The following ZFHX3 variants were observed in gnomAD, a reference collection of about 807,000 sequenced individuals.
ZFHX3 encodes zinc finger homeobox protein 3.
ZFHX3 carries 42 observed loss-of-function variants against 279.1 expected under a neutral mutation model. That is an observed-to-expected ratio of 0.15 (90% confidence interval 0.12 to 0.19). The LOEUF is 0.19. ZFHX3 is among the 10% of genes least tolerant of loss of function. The pLI is 1.00. For synonymous variants in ZFHX3, 2,293 were observed against 1,957.8 expected, an observed-to-expected ratio of 1.17 and a Z score of -4.52; for missense variants, 4,981 against 4,754.0, an observed-to-expected ratio of 1.05 and a Z score of -1.40.
chr16:73,210,852 T>G (rs1414024682), intron 5 of ZFHX3, among the ~76,000 whole-genome samples: 2 of 152,138 alleles, frequency 1.3e-5, no homozygotes, highest in Non-Finnish European at 2.9e-5. Flanking sequence ...CAAAAGATTT[T>G]TTCAAATGTC....
intron 2 of ZFHX3, among the ~76,000 whole-genome samples, chr16:73,486,447 TG>T (rs57762438): frequency 0.33 from 50,305 of 152,146 alleles, 9,283 homozygotes; most frequent in African/African-American, 0.49. Context: ...TGTTTGTGTG[TG>T]TTTGTTCAAT....
intron 3 of ZFHX3, among the ~76,000 whole-genome samples, chr16:72,925,834 C>T (rs1030758145): frequency 9.2e-5 from 14 of 152,202 alleles, no homozygotes; most frequent in Non-Finnish European, 2.1e-4. Flanking sequence ...ATAGCTTTTA[C>T]GTCCTCTTGA....
chr16:72,978,790 G>T (rs1962465961), intron 1 of ZFHX3, among the ~76,000 whole-genome samples: 1 of 152,278 alleles, frequency 6.6e-6, no homozygotes, highest in Non-Finnish European at 1.5e-5. Context: ...GAAAAGGGGA[G>T]GCCACTATAC....
At chr16:73,419,429 G>C (rs539440385) in intron 3 of ZFHX3, among the ~76,000 whole-genome samples, 1 of 152,154 alleles carries the variant, frequency 6.6e-6, no homozygotes, top group East Asian at 1.9e-4. Context: ...ACATTCCTTT[G>C]CTTAAAACCT....
At chr16:72,802,785 C>T (rs1039120262) in intron 7 of ZFHX3, among the ~76,000 whole-genome samples, 4 of 152,194 alleles carry the variant, frequency 2.6e-5, no homozygotes, top group Admixed American at 6.5e-5. Context: ...CTTCCCTCTC[C>T]TACCAGCTTC....
At chr16:73,823,269 A>G (rs1960802762) in intron 1 of ZFHX3, among the ~76,000 whole-genome samples, 1 of 152,166 alleles carries the variant, frequency 6.6e-6, no homozygotes, top group African/African-American at 2.4e-5. Flanking sequence ...GGGAAGGAGT[A>G]TGGCAGGCAG....
At chr16:73,689,944 T>G (rs1173462654) in intron 1 of ZFHX3, among the ~76,000 whole-genome samples, 1 of 151,888 alleles carries the variant, frequency 6.6e-6, no homozygotes, top group Non-Finnish European at 1.5e-5. Context: ...CTCAGCCTCC[T>G]GAGTAGCATC....
intron 3 of ZFHX3, among the ~76,000 whole-genome samples, chr16:73,397,645 T>C (rs2017156759): frequency 6.6e-6 from 1 of 152,086 alleles, no homozygotes; most frequent in African/African-American, 2.4e-5. Context: ...ACCAGGCTAT[T>C]AGCAGTGGGG....
At position 73,877,205 on chromosome 16, in the gene ZFHX3, G is replaced by T. The variant is rs182737575; in HGVS notation, c.-1608+14446C>A. ...GGTTGGGTTCGGGGGGTTAGGTCGG[G>T]GGGGGGTCCCAGGCACTTGCTTCCT... On this transcript the variant is annotated intron_variant, in intron 1 of 17. Transcript: ENST00000641206. Among the ~76,000 whole-genome samples, 404 of 141,212 alleles carry T rather than the reference G, an allele frequency of 2.9e-3. 13 individuals are homozygous for T. The East Asian group carries it at 0.067, about 23-fold the overall frequency. The allele number at this position is 141,212 out of a possible 152,430, so 92.6% of individuals were successfully genotyped here. A position where few individuals can be genotyped will look rare whatever the true frequency, so the allele number is the denominator to read the frequency against.
chr16:73,466,350 G>A (rs896516153), intron 2 of ZFHX3, among the ~76,000 whole-genome samples: 1 of 152,174 alleles, frequency 6.6e-6, no homozygotes, highest in African/African-American at 2.4e-5. Context: ...GGGCATGGTA[G>A]TACACACCTG....
chr16:73,602,418 C>T (rs549732457), intron 2 of ZFHX3, among the ~76,000 whole-genome samples: 3 of 152,174 alleles, frequency 2.0e-5, no homozygotes, highest in East Asian at 1.9e-4. Flanking sequence ...CTTTCTATTA[C>T]GAGAACTTCT....
At position 73,872,732 on chromosome 16, in the gene ZFHX3, C is replaced by T. The variant is rs572691540; in HGVS notation, c.-1608+18919G>A. 2.7e-5 allele frequency among the ~76,000 whole-genome samples: 3 copies of T among 111,198 alleles called. No homozygotes were observed. In the South Asian group the frequency reaches 1.0e-3, roughly 38 times the overall value. 73.0% of individuals were successfully genotyped at this position (111,198 alleles called of 152,430 possible). A position where few individuals can be genotyped will look rare whatever the true frequency, so the allele number is the denominator to read the frequency against. ...ATGGAAACCATAACTTGGTTAGCTA[C>T]TCTGGTGGTGGTGGCGGGGGTTGGT... On this transcript the variant is annotated intron_variant, in intron 1 of 17. Transcript: ENST00000641206.
chr16:72,953,990 C>A (rs535456023), intron 2 of ZFHX3, among the ~76,000 whole-genome samples: 1 of 152,212 alleles, frequency 6.6e-6, no homozygotes, highest in African/African-American at 2.4e-5. Flanking sequence ...AAGCCCAGGG[C>A]TTAGAATCCT....
chr16:73,870,359 C>A (rs1314113612), intron 1 of ZFHX3, among the ~76,000 whole-genome samples: 1 of 152,136 alleles, frequency 6.6e-6, no homozygotes, highest in Admixed American at 6.5e-5. Flanking sequence ...CTGGGAATCA[C>A]GAAGCGTCCG....
intron 4 of ZFHX3, among the ~76,000 whole-genome samples, chr16:72,883,325 T>A (rs1218842164): frequency 1.3e-5 from 2 of 151,864 alleles, no homozygotes; most frequent in African/African-American, 4.8e-5. Context: ...TATTGGCAAA[T>A]AAAAAACATC....
chr16:73,216,317 T>C (rs1418052376), intron 5 of ZFHX3, among the ~76,000 whole-genome samples: 1 of 152,200 alleles, frequency 6.6e-6, no homozygotes, highest in African/African-American at 2.4e-5. Context: ...TGCCATGTCA[T>C]TCAAGGTCCC....
intron 6 of ZFHX3, among the ~76,000 whole-genome samples, chr16:73,135,450 C>T (rs1445466710): frequency 6.6e-6 from 1 of 152,202 alleles, no homozygotes; most frequent in Non-Finnish European, 1.5e-5. Flanking sequence ...CCTGATGAGA[C>T]TGTCCCTTAT....
chr16:72,799,895 G>C, intron 8 of ZFHX3, 132 bp downstream of exon 8: 1 of 755,466 alleles, frequency 1.3e-6, no homozygotes. Flanking sequence ...GCTGATGACA[G>C]TGCCCCTCAT....
chr16:73,521,904 T>G (rs825860), intron 2 of ZFHX3, among the ~76,000 whole-genome samples: 90,220 of 151,872 alleles, frequency 0.59, 28,030 homozygotes, highest in East Asian at 0.98. Context: ...ATTCTGACTC[T>G]GCTGAGGTAG....
Sources: gnomAD v4.1 joint callset for allele counts (sites outside exome capture counted in the v4.1 genomes callset) on GRCh38, gnomAD v4.1.1 for gene constraint, MANE v1.5 for transcripts, NCBI Gene and HGNC (gene_info 2026-07-23, HGNC 2026-07-21) for gene names.